Variants in XRCC4 observed in about 807,000 individuals in gnomAD.
XRCC4 encodes the protein DNA repair protein XRCC4.
XRCC4 carries 28 observed loss-of-function variants against 39.1 expected under a neutral mutation model. That is an observed-to-expected ratio of 0.72 (90% CI 0.53 to 0.98). The LOEUF is 0.98. XRCC4 is among the 50% of genes least tolerant of loss of function. XRCC4 has a pLI of 0.00. For missense variants in XRCC4, 350 were observed against 376.4 expected, an observed-to-expected ratio of 0.93 and a Z score of 0.58; for synonymous variants, 123 against 126.4, an observed-to-expected ratio of 0.97 and a Z score of 0.18.
At chr5:83,186,265 A>G (rs559949427) in intron 3 of XRCC4, among the ~76,000 whole-genome samples, 8 of 152,346 alleles carry the variant, frequency 5.3e-5, no homozygotes, top group Non-Finnish European at 8.8e-5. Context: ...AGAATTGAAT[A>G]TAGTAAAGGA....
intron 7 of XRCC4, chr5:83,259,262 T>C (rs887130696): frequency 6.5e-6 from 1 of 152,892 alleles, no homozygotes; most frequent in Non-Finnish European, 1.5e-5. Flanking sequence ...AAGAATATTA[T>C]CAGTTTAATC....
chr5:83,341,479 G>A (rs1306214908), intron 7 of XRCC4, among the ~76,000 whole-genome samples: 1 of 152,172 alleles, frequency 6.6e-6, no homozygotes, highest in East Asian at 1.9e-4. Flanking sequence ...ATATGTATAT[G>A]AAAGACTAAG....
At chr5:83,132,019 T>G (rs1747616901) in intron 3 of XRCC4, among the ~76,000 whole-genome samples, 1 of 152,186 alleles carries the variant, frequency 6.6e-6, no homozygotes, top group Admixed American at 6.6e-5. Flanking sequence ...TGGCTCATAC[T>G]GGTTGTTCCT....
chr5:83,350,025 G>T (rs1363646570), intron 7 of XRCC4, among the ~76,000 whole-genome samples: 1 of 152,082 alleles, frequency 6.6e-6, no homozygotes, highest in Non-Finnish European at 1.5e-5. Context: ...TTGGTGTTCT[G>T]TTCCTGCATT....
intron 1 of XRCC4, among the ~76,000 whole-genome samples, chr5:83,080,589 G>A (rs755355900): frequency 2.4e-4 from 36 of 151,480 alleles, no homozygotes; most frequent in Non-Finnish European, 4.4e-4. Flanking sequence ...TTTCTGAGTT[G>A]TGATGAAATC....
At chr5:83,121,161 G>T (rs1354136866) in intron 3 of XRCC4, among the ~76,000 whole-genome samples, 1 of 152,036 alleles carries the variant, frequency 6.6e-6, no homozygotes. Context: ...CCATTTTATG[G>T]ATACACCCCA....
the XRCC4 span, among the ~76,000 whole-genome samples, chr5:83,361,884 A>G: frequency 3.9e-5 from 6 of 152,004 alleles, no homozygotes; most frequent in East Asian, 7.7e-4. Flanking sequence ...AGAATTTCCT[A>G]TTGACAACAT....
At chr5:83,345,633 G>A (rs1434070971) in intron 7 of XRCC4, among the ~76,000 whole-genome samples, 1 of 152,012 alleles carries the variant, frequency 6.6e-6, no homozygotes, top group Admixed American at 6.6e-5. Flanking sequence ...ATTACTCTCA[G>A]AACATGTTAT....
chr5:83,360,586 T>C, the XRCC4 span, among the ~76,000 whole-genome samples: 3 of 152,112 alleles, frequency 2.0e-5, no homozygotes, highest in Non-Finnish European at 4.4e-5. Flanking sequence ...AGCCTTGAAC[T>C]AAAGAGGCAT....
intron 7 of XRCC4, among the ~76,000 whole-genome samples, chr5:83,346,556 A>G (rs1252184109): frequency 1.3e-5 from 2 of 152,100 alleles, no homozygotes; most frequent in Non-Finnish European, 2.9e-5. Flanking sequence ...TTTTAAGATA[A>G]AAAGACACAC....
At chr5:83,337,524 T>C (rs1418769777) in intron 7 of XRCC4, among the ~76,000 whole-genome samples, 1 of 152,124 alleles carries the variant, frequency 6.6e-6, no homozygotes, top group Non-Finnish European at 1.5e-5. Context: ...CGCTCTCCAG[T>C]GGGCAGCCCT....
intron 7 of XRCC4, among the ~76,000 whole-genome samples, chr5:83,341,794 T>G (rs1756768261): frequency 6.6e-6 from 1 of 152,180 alleles, no homozygotes; most frequent in African/African-American, 2.4e-5. Context: ...GTACATTGCT[T>G]AACTTTACTG....
chr5:83,113,607 A>T lies in XRCC4; in HGVS notation c.315+2404A>T, dbSNP rs1746552783. ...CCCTGCAGCAAACTTCTGCCTGGAC[A>T]TCCAAACATTTCTTTCTTTTTTTTT... On this transcript the variant is annotated intron_variant, in intron 3 of 7. Coordinates refer to ENST00000396027, the MANE Select transcript of XRCC4 (RefSeq NM_003401.5). 2.0e-5 allele frequency among the ~76,000 whole-genome samples: 3 copies of T among 149,364 alleles called. No homozygotes were observed. The South Asian group carries it at 6.3e-4, about 31-fold the overall frequency.
chr5:83,120,527 G>A (rs187516614), intron 3 of XRCC4, among the ~76,000 whole-genome samples: 1 of 152,326 alleles, frequency 6.6e-6, no homozygotes, highest in East Asian at 1.9e-4. Flanking sequence ...AGAATTTCAT[G>A]TGAATGGAAC....
intron 7 of XRCC4, among the ~76,000 whole-genome samples, chr5:83,342,467 G>A (rs1282401058): frequency 6.6e-6 from 1 of 152,016 alleles, no homozygotes; most frequent in Non-Finnish European, 1.5e-5. Context: ...TTATTCTGCT[G>A]ATTTTATTTC....
intron 7 of XRCC4, among the ~76,000 whole-genome samples, chr5:83,351,964 A>G (rs2112236674): frequency 6.6e-6 from 1 of 152,318 alleles, no homozygotes; most frequent in Admixed American, 6.5e-5. Context: ...ATGGGGTATT[A>G]GCAGGTAATA....
intron 6 of XRCC4, among the ~76,000 whole-genome samples, chr5:83,243,242 T>C (rs1752981164): frequency 6.6e-6 from 1 of 152,178 alleles, no homozygotes; most frequent in Non-Finnish European, 1.5e-5. Flanking sequence ...TCAGGAAAGA[T>C]GAAAATATAT....
chr5:83,124,810 C>T (rs979793554), intron 3 of XRCC4, among the ~76,000 whole-genome samples: 1 of 152,152 alleles, frequency 6.6e-6, no homozygotes, highest in African/African-American at 2.4e-5. Flanking sequence ...ATTTACCTTT[C>T]GCCCTTTTAG....
Position 83,204,873 on chromosome 5 carries a change from A to G in XRCC4, c.697A>G (p.Thr233Ala), listed in dbSNP as rs773249689. 1.9e-6 allele frequency: 3 copies of G among 1,612,550 alleles called. No individual in the cohort carries two copies. Among genetic ancestry groups the G allele is most frequent in the Admixed American group, 1.7e-5 (1 of 59,976 alleles). Reference sequence around the variant, plus strand: ...CCGAGATCCAGTCTATGATGAGAGTACTGATGAGGAAAGTGAAAACCAAAC... The same window carrying G: ...CCGAGATCCAGTCTATGATGAGAGTGCTGATGAGGAAAGTGAAAACCAAAC... Reference protein sequence around the residue: ...ADRDPVYDESTDEESENQTDL... With the variant: ...ADRDPVYDESADEESENQTDL... Residue 233 changes from threonine (T) to alanine (A), a missense_variant, in exon 6 of 8, where the codon ACT becomes GCT. Thr to Ala is a moderately conservative substitution (Grantham distance 58, BLOSUM62 0). Coordinates refer to ENST00000396027, the MANE Select transcript of XRCC4 (RefSeq NM_003401.5).
Sources: gnomAD v4.1 joint callset for allele counts (sites outside exome capture counted in the v4.1 genomes callset) on GRCh38, gnomAD v4.1.1 for gene constraint, MANE v1.5 for transcripts, NCBI Gene and HGNC (gene_info 2026-07-23, HGNC 2026-07-21) for gene names.